The following LRRC8D variants were observed in gnomAD, a reference collection of about 807,000 sequenced individuals.
LRRC8D encodes the protein volume-regulated anion channel subunit LRRC8D.
In LRRC8D, 20 loss-of-function variants were observed where a neutral mutation model predicts 55.8. The observed-to-expected ratio is 0.36, with a 90% CI of 0.25 to 0.52. LRRC8D has a LOEUF of 0.52. Among genes scored for constraint, LRRC8D ranks in the 20% least tolerant of loss-of-function variants. The pLI is 0.93. For missense variants in LRRC8D, 651 were observed against 1,030.8 expected, an observed-to-expected ratio of 0.63 and a Z score of 5.05; for synonymous variants, 352 against 377.0, an observed-to-expected ratio of 0.93 and a Z score of 0.77.
intron 1 of LRRC8D, chr1:89,833,916 C>G (rs911979641): frequency 1.3e-5 from 2 of 152,318 alleles, no homozygotes; most frequent in East Asian, 3.9e-4. Flanking sequence ...GTTTTCCCCC[C>G]TCCTACTTTG....
intron 2 of LRRC8D, among the ~76,000 whole-genome samples, chr1:89,921,405 A>G (rs1438578058): frequency 1.3e-5 from 2 of 152,176 alleles, no homozygotes; most frequent in Non-Finnish European, 1.5e-5. Context: ...TAATCAAGCC[A>G]TTTGCTTCTT....
intron 1 of LRRC8D, among the ~76,000 whole-genome samples, chr1:89,836,261 G>A (rs1360995432): frequency 6.6e-6 from 1 of 151,888 alleles, no homozygotes; most frequent in Non-Finnish European, 1.5e-5. Context: ...AATTTTTGCT[G>A]GGAGGACAGA....
Position 89,887,276 on chromosome 1 carries a change from G to A in LRRC8D, c.-3+43494G>A, listed in dbSNP as rs1208343315. On this transcript the variant is annotated intron_variant, in intron 2 of 2. Transcript: ENST00000337338. ...TTTTATTTTCGTCATTATCACGCTT[G>A]GACACTAGCACATATTATAATACCT... is the stretch of plus-strand genomic sequence containing the variant. Among the ~76,000 whole-genome samples the A allele has an allele frequency of 2.0e-5, 3 of 152,000 alleles. No individual in the cohort carries two copies. The East Asian group carries it at 5.8e-4, about 29-fold the overall frequency.
chr1:89,914,765 A>G (rs1663219327), intron 2 of LRRC8D, among the ~76,000 whole-genome samples: 2 of 151,238 alleles, frequency 1.3e-5, no homozygotes, highest in African/African-American at 2.4e-5. Context: ...TATAGTGAAG[A>G]TGGGGTCTTA....
chr1:89,852,587 A>T (rs1245839430), intron 2 of LRRC8D, among the ~76,000 whole-genome samples: 1 of 152,232 alleles, frequency 6.6e-6, no homozygotes, highest in Non-Finnish European at 1.5e-5. Context: ...ACTGGAACTT[A>T]ACTTTTTTAT....
Position 89,933,002 on chromosome 1 carries a change from T to G in LRRC8D, c.-2-65T>G. ...ACTTTAGTTAGGAGCAGGCATAGGG[T>G]TTTTCTCATTTACTCTTTTCATTTG... On this transcript the variant is annotated intron_variant, in intron 2 of 2. Coordinates refer to ENST00000337338, the MANE Select transcript of LRRC8D (RefSeq NM_001134479.2). The surrounding 1 kb of genome is among the most constrained non-coding windows in gnomAD (Gnocchi z 7.0). The G allele has an allele frequency of 6.9e-7, 1 of 1,443,018 alleles. No homozygotes were observed. Among genetic ancestry groups the G allele is most frequent in the Non-Finnish European group, 9.5e-7 (1 of 1,058,098 alleles). The allele number at this position is 1,443,018 out of a possible 1,614,324, so 89.4% of individuals were successfully genotyped here.
intron 1 of LRRC8D, among the ~76,000 whole-genome samples, chr1:89,822,836 A>G (rs1403197300): frequency 6.6e-6 from 1 of 152,200 alleles, no homozygotes; most frequent in Non-Finnish European, 1.5e-5. Flanking sequence ...ACCTACTGTC[A>G]GCTAGGCGAG....
At chr1:89,860,809 T>TATATATAC (rs970678615) in intron 2 of LRRC8D, among the ~76,000 whole-genome samples, 130 of 105,512 alleles carry the variant, frequency 1.2e-3, no homozygotes, top group South Asian at 6.6e-3. Flanking sequence ...TATATATATA[T>TATATATAC]ACACACACAG....
rs72716351 is a variant in LRRC8D, at chr1:89,911,805, A to T, written c.-2-21262A>T. Among the ~76,000 whole-genome samples, 1 of 152,112 alleles carries T rather than the reference A, an allele frequency of 6.6e-6. No individual in the cohort carries two copies. The highest frequency in any genetic ancestry group is 1.5e-5 in the Non-Finnish European group (1 of 67,994). On this transcript the variant is annotated intron_variant, in intron 2 of 2. Transcript: ENST00000337338. This position sits in a 1 kb window ranked among gnomAD's most constrained non-coding sequence, Gnocchi z 4.0. ...TTAACGTGCGTGACTTGCTTTTGAC[A>T]CCTGCAATGCTGCTTACCACTCTCT... is the stretch of plus-strand genomic sequence containing the variant.
At chr1:89,887,678 C>G (rs770103084) in intron 2 of LRRC8D, among the ~76,000 whole-genome samples, 1 of 152,122 alleles carries the variant, frequency 6.6e-6, no homozygotes, top group Non-Finnish European at 1.5e-5. Flanking sequence ...TTTGGCCCAC[C>G]TTTCAGCCTG....
intron 1 of LRRC8D, chr1:89,843,380 T>TGAGC (rs968994510): frequency 7.2e-5 from 22 of 304,236 alleles, no homozygotes; most frequent in Non-Finnish European, 8.9e-5. Context: ...GGAAGGGCTG[T>TGAGC]GAGCGAGCGG....
At chr1:89,842,573 T>C (rs1407706778) in intron 1 of LRRC8D, among the ~76,000 whole-genome samples, 1 of 152,228 alleles carries the variant, frequency 6.6e-6, no homozygotes, top group East Asian at 1.9e-4. Context: ...GAACCATGAA[T>C]GCCAACAGCT....
intron 1 of LRRC8D, among the ~76,000 whole-genome samples, chr1:89,835,624 G>C (rs572953401): frequency 6.6e-6 from 1 of 152,304 alleles, no homozygotes; most frequent in East Asian, 1.9e-4. Flanking sequence ...CATGAGCTCT[G>C]TAGTTTACTG....
chr1:89,885,162 A>C (rs934554926), intron 2 of LRRC8D, among the ~76,000 whole-genome samples: 1 of 152,228 alleles, frequency 6.6e-6, no homozygotes, highest in African/African-American at 2.4e-5. Context: ...ATATCCTCTG[A>C]AATCTGGCAA....
chr1:89,842,458 C>T (rs540200966), intron 1 of LRRC8D, among the ~76,000 whole-genome samples: 96 of 152,294 alleles, frequency 6.3e-4, no homozygotes, highest in Middle Eastern at 6.8e-3. Context: ...TTGTCTAGCA[C>T]TGAGTAGGAG....
intron 2 of LRRC8D, among the ~76,000 whole-genome samples, chr1:89,860,573 C>T (rs1301662288): frequency 1.3e-5 from 2 of 150,794 alleles, no homozygotes; most frequent in East Asian, 3.9e-4. Context: ...TCCTGGCCAA[C>T]ATGGTGAAAC....
At chr1:89,885,304 TA>T (rs1431994682) in intron 2 of LRRC8D, among the ~76,000 whole-genome samples, 2 of 152,228 alleles carry the variant, frequency 1.3e-5, no homozygotes, top group East Asian at 3.9e-4. Flanking sequence ...TCTTCCTGCC[TA>T]AAATGCTGCA....
chr1:89,909,091 G>A (rs1030749669), intron 2 of LRRC8D, among the ~76,000 whole-genome samples: 3 of 151,896 alleles, frequency 2.0e-5, no homozygotes, highest in Non-Finnish European at 2.9e-5. Context: ...GAGATGGCTC[G>A]CTCTCTTTCA....
intron 2 of LRRC8D, among the ~76,000 whole-genome samples, chr1:89,927,288 CT>C (rs1468299597): frequency 1.3e-5 from 2 of 152,246 alleles, no homozygotes; most frequent in African/African-American, 4.8e-5. Context: ...GCGGCAGCTT[CT>C]TTTACCATTT....
Sources: allele counts gnomAD v4.1 joint callset (sites outside exome capture counted in the v4.1 genomes callset), GRCh38; gene constraint gnomAD v4.1.1; non-coding constraint Gnocchi (gnomAD v3.1); transcripts MANE v1.5; gene names NCBI Gene and HGNC (gene_info 2026-07-23, HGNC 2026-07-21).